Variants in CLIP2 observed in about 807,000 individuals in gnomAD.
CLIP2 encodes CAP-Gly domain-containing linker protein 2.
Under a neutral mutation model 111.7 loss-of-function variants are expected in CLIP2, and 41 were observed. The observed-to-expected ratio is 0.37, with a 90% CI of 0.29 to 0.48. CLIP2 has a LOEUF of 0.48. CLIP2 is among the 20% of genes least tolerant of loss of function. The pLI, the probability that CLIP2 is intolerant of heterozygous loss-of-function variation, is 0.99. For synonymous variants in CLIP2, 660 were observed against 644.2 expected, an observed-to-expected ratio of 1.02 and a Z score of -0.37; for missense variants, 1,160 against 1,422.1, an observed-to-expected ratio of 0.82 and a Z score of 2.96.
At chr7:74,313,334 C>A (rs565337965) in intron 1 of CLIP2, among the ~76,000 whole-genome samples, 62 of 151,638 alleles carry the variant, frequency 4.1e-4, no homozygotes, top group African/African-American at 1.4e-3. Flanking sequence ...CCGAGGGGGG[C>A]AGATCATGAG....
chr7:74,334,024 A>G (rs1188398667), intron 2 of CLIP2, among the ~76,000 whole-genome samples: 1 of 152,120 alleles, frequency 6.6e-6, no homozygotes, highest in Non-Finnish European at 1.5e-5. Flanking sequence ...TAGGACATGG[A>G]GAATGTCAGC....
intron 2 of CLIP2, among the ~76,000 whole-genome samples, chr7:74,327,721 G>A (rs1789155402): frequency 6.6e-6 from 1 of 152,130 alleles, no homozygotes; most frequent in Non-Finnish European, 1.5e-5. Context: ...TCTGTGGCTG[G>A]TGGGGGTGGG....
chr7:74,332,421 G>A (rs1554731446), intron 2 of CLIP2, among the ~76,000 whole-genome samples: 2 of 150,564 alleles, frequency 1.3e-5, no homozygotes. Context: ...AGGCTGGATT[G>A]CAGTGGTGGG....
intron 2 of CLIP2, among the ~76,000 whole-genome samples, chr7:74,320,081 A>G (rs782402965): frequency 4.6e-5 from 7 of 150,922 alleles, no homozygotes; most frequent in Non-Finnish European, 7.4e-5. Context: ...CTGTAATCCC[A>G]GCTACTCGAG....
rs1158400867 is a variant in CLIP2, at chr7:74,349,470, GTATATATATATATATATA to G, written c.679-4386_679-4369del. Among the ~76,000 whole-genome samples, 115 of 33,796 alleles carry G rather than the reference GTATATATATATATATATA, an allele frequency of 3.4e-3. 3 individuals carry two copies. The South Asian group carries it at 0.082, about 24-fold the overall frequency. 22.2% of individuals were successfully genotyped at this position (33,796 alleles called of 152,430 possible). A position where few individuals can be genotyped will look rare whatever the true frequency, so the allele number is the denominator to read the frequency against. ...AAAGTATGTATGTGTGTGTGTGTGT[GTATATATATATATATATA>G]TATATATATATATATATATATATGT... On this transcript the variant is annotated intron_variant, in intron 3 of 16. Coordinates refer to ENST00000223398, the MANE Select transcript of CLIP2 (RefSeq NM_003388.5).
intron 6 of CLIP2, among the ~76,000 whole-genome samples, chr7:74,358,973 C>A (rs1554309132): frequency 6.6e-6 from 1 of 151,866 alleles, no homozygotes; most frequent in African/African-American, 2.4e-5. Flanking sequence ...TCCCATTTTT[C>A]ACTTTTTTTG....
In CLIP2 at chr7:74,294,560, C is replaced by T. The variant is rs782645368; in HGVS notation, c.-68+4826C>T. The stretch of plus-strand genomic sequence containing the variant: ...TTTTTGGTCCCTTGGGATGAGAGGG[C>T]GGAATTTCCGGCTCACCAGGAGGAG... On this transcript the variant is annotated intron_variant, in intron 1 of 16. Coordinates refer to ENST00000223398, the MANE Select transcript of CLIP2 (RefSeq NM_003388.5). Among the ~76,000 whole-genome samples, 8 of 152,120 alleles carry T rather than the reference C, an allele frequency of 5.3e-5. No homozygotes were observed. The East Asian group carries it at 1.4e-3, about 26-fold the overall frequency.
chr7:74,331,661 C>T (rs1474236677), intron 2 of CLIP2, among the ~76,000 whole-genome samples: 2 of 146,362 alleles, frequency 1.4e-5, no homozygotes, highest in African/African-American at 5.1e-5. Flanking sequence ...GCAGCCTCTG[C>T]CTCCTGGGTC....
chr7:74,307,727 G>A (rs1404274559), intron 1 of CLIP2, among the ~76,000 whole-genome samples: 1 of 152,108 alleles, frequency 6.6e-6, no homozygotes, highest in Non-Finnish European at 1.5e-5. Context: ...TCCTGACCTT[G>A]TGATCTGCCC....
At chr7:74,392,809 ACT>A (rs1791330023) in intron 13 of CLIP2, among the ~76,000 whole-genome samples, 1 of 152,178 alleles carries the variant, frequency 6.6e-6, no homozygotes, top group African/African-American at 2.4e-5. Flanking sequence ...CAAGAGTGAA[ACT>A]CTGTCTCAAA....
intron 16 of CLIP2, 179 bp downstream of exon 16, chr7:74,401,746 T>C: frequency 1.4e-6 from 1 of 730,362 alleles, no homozygotes; most frequent in South Asian, 1.5e-5. Flanking sequence ...CCCTGCTCTT[T>C]TTGATTTGTG....
At chr7:74,305,143 T>C (rs229887) in intron 1 of CLIP2, among the ~76,000 whole-genome samples, 90,959 of 151,038 alleles carry the variant, frequency 0.6, 29,865 homozygotes, top group Non-Finnish European at 0.75. Context: ...ACTGTACACT[T>C]ACGTTCCCTG....
Position 74,334,077 on chromosome 7 carries a change from T to C in CLIP2, c.122-4371T>C, listed in dbSNP as rs568300527. ...CTATTTCTGACCTAGTCCTTTGTTA[T>C]GTCATGGAGAAACTGAGGCACACAT... On this transcript the variant is annotated intron_variant, in intron 2 of 16. Transcript: ENST00000223398. Among the ~76,000 whole-genome samples the C allele has an allele frequency of 2.6e-5, 4 of 152,278 alleles. No individual in the cohort carries two copies. In the East Asian group the frequency reaches 5.8e-4, roughly 22 times the overall value.
At chr7:74,359,288 A>G (rs1191733574) in intron 6 of CLIP2, among the ~76,000 whole-genome samples, 5 of 138,276 alleles carry the variant, frequency 3.6e-5, no homozygotes, top group Non-Finnish European at 7.6e-5. Flanking sequence ...CTCTTTCTAC[A>G]TATCACTGCA....
chr7:74,303,811 C>A (rs1484833515), intron 1 of CLIP2, among the ~76,000 whole-genome samples: 1 of 150,210 alleles, frequency 6.7e-6, no homozygotes, highest in Non-Finnish European at 1.5e-5. Flanking sequence ...ACTTGGGAAG[C>A]TGAGGCACAA....
At chr7:74,326,660 G>A (rs1789117464) in intron 2 of CLIP2, among the ~76,000 whole-genome samples, 1 of 148,484 alleles carries the variant, frequency 6.7e-6, no homozygotes, top group Admixed American at 6.7e-5. Context: ...TTTTTGAGAC[G>A]GAATCTCTCT....
In CLIP2 at chr7:74,372,662, A is replaced by C. The variant is rs1299453013; in HGVS notation, c.1381-270A>C. ...GGGCCAGCGAGGGAGGATGGCTTGC[A>C]GGCCCCCACCCCCCACCGCCCTACA... On this transcript the variant is annotated intron_variant, in intron 8 of 16. Coordinates refer to ENST00000223398, the MANE Select transcript of CLIP2 (RefSeq NM_003388.5). Among the ~76,000 whole-genome samples the C allele has an allele frequency of 2.6e-5, 4 of 151,636 alleles. No homozygotes were observed. The East Asian group carries it at 7.8e-4, about 30-fold the overall frequency.
At position 74,397,167 on chromosome 7, in the gene CLIP2, G is replaced by A. The variant is rs782506345; in HGVS notation, c.2814G>A (p.Glu938=). 1.9e-6 allele frequency: 3 copies of A among 1,613,988 alleles called. No homozygotes were observed. The highest frequency in any genetic ancestry group is 2.5e-6 in the Non-Finnish European group (3 of 1,180,010). Residue 938 remains glutamate, a synonymous_variant, in exon 14 of 17, where the codon GAG becomes GAA. Coordinates refer to ENST00000223398, the MANE Select transcript of CLIP2 (RefSeq NM_003388.5). Reference sequence around the variant, plus strand: ...TGAGCCGTGAGGTACACAAGGCTGAGTGGCGGATCAAGGAGCAGAAACTCA... The same window carrying A: ...TGAGCCGTGAGGTACACAAGGCTGAATGGCGGATCAAGGAGCAGAAACTCA... ...RDLSREVHKA[E]WRIKEQKLKD...
chr7:74,319,688 G>A (rs1554729722), intron 2 of CLIP2, among the ~76,000 whole-genome samples: 1 of 152,036 alleles, frequency 6.6e-6, no homozygotes, highest in African/African-American at 2.4e-5. Context: ...AGGCATGGTA[G>A]TGTGTGCCTG....
Sources: gnomAD v4.1 joint callset for allele counts (sites outside exome capture counted in the v4.1 genomes callset) on GRCh38, gnomAD v4.1.1 for gene constraint, MANE v1.5 for transcripts, NCBI Gene and HGNC (gene_info 2026-07-23, HGNC 2026-07-21) for gene names.